TAF1L: variants seen among roughly 807,000 people sequenced by gnomAD.
The protein encoded by TAF1L is TATA-box binding protein associated factor 1 like.
TAF1L carries 30 observed loss-of-function variants against 128.8 expected under a neutral mutation model. The observed-to-expected ratio is 0.23, with a 90% CI of 0.17 to 0.32. TAF1L has a LOEUF of 0.32. Ranked by LOEUF, TAF1L falls within the 10% of genes least tolerant of loss-of-function variation. TAF1L has a pLI of 1.00. For missense variants in TAF1L, 2,099 were observed against 2,253.7 expected, an observed-to-expected ratio of 0.93 and a Z score of 1.39; for synonymous variants, 764 against 790.7, an observed-to-expected ratio of 0.97 and a Z score of 0.57.
chr9:32,635,565 G>T lies in TAF1L; in HGVS notation c.15C>A (p.Cys5Ter), dbSNP rs368366703. The T allele has an allele frequency of 2.5e-6, 4 of 1,613,226 alleles. No homozygotes were observed. Among genetic ancestry groups the T allele is most frequent in the East Asian group, 2.2e-5 (1 of 44,852 alleles). ...TAGCTGCTGCCCTCAGCAGCAAATC[G>T]CAGCCGGGTCGCATAAACCGGAAAT... The part of the protein sequence containing the change: MRPG[C>*]DLLLRAAATV... Residue 5 changes from cysteine to a stop codon, truncating the protein, a stop_gained, in exon 1 of 1, where the codon TGC becomes TGA. Coordinates refer to ENST00000242310, the MANE Select transcript of TAF1L (RefSeq NM_153809.2). LOFTEE classifies it high-confidence loss of function.
rs987227402 is a variant in TAF1L, at chr9:32,632,620, A to G, written c.2960T>C (p.Ile987Thr). ...GCGEGFSYVK[I>T]PNKPTQQKDD... The stretch of plus-strand genomic sequence containing the variant: ...CTTCTGCTGTGTTGGTTTATTTGGA[A>G]TCTTCACATAGGAGAATCCTTCACC... Residue 987 changes from isoleucine to threonine, a missense_variant, in exon 1 of 1, where the codon ATT becomes ACT. By Grantham distance (89) the Ile-to-Thr change is moderately conservative (BLOSUM62 -1). Around this residue, in one of 4 missense-constraint regions of TAF1L, gnomAD observed 1,213 missense variants for 1,391.4 expected, o/e 0.87. Transcript: ENST00000242310. The surrounding 1 kb of genome is among the most constrained non-coding windows in gnomAD (Gnocchi z 4.4). The G allele has an allele frequency of 2.5e-6, 4 of 1,614,144 alleles. No individual in the cohort carries two copies. The Admixed American group carries it at 5.0e-5, about 20-fold the overall frequency.
Position 32,634,266 on chromosome 9 carries a change from C to T in TAF1L, c.1314G>A (p.Glu438=). ...HWEDSIIWDG[E]DIKHKGTKPQ... is the part of the protein sequence containing the mutation. Reference sequence around the variant, plus strand: ...GTTTTGTCCCTTTGTGTTTGATATCCTCCCCATCCCAGATGATAGAATCCT... The same window carrying T: ...GTTTTGTCCCTTTGTGTTTGATATCTTCCCCATCCCAGATGATAGAATCCT... The change falls in exon 1 of 1, where the codon GAG becomes GAA. Residue 438 remains glutamate, a synonymous_variant. Transcript: ENST00000242310. The T allele has an allele frequency of 1.2e-6, 2 of 1,614,200 alleles. No homozygotes were observed. The highest frequency in any genetic ancestry group is 2.2e-5 in the East Asian group (1 of 44,886).
Position 32,631,518 on chromosome 9 carries a change from C to T in TAF1L, c.4062G>A (p.Glu1354=), listed in dbSNP as rs773159247. ...FGKQLIENVH[E]VRRKSLVLKF... ...TGAGAACCAGAGATTTTCTGCGAAC[C>T]TCATGCACATTCTCAATTAGCTGTT... Residue 1354 remains glutamate, a synonymous_variant, in exon 1 of 1, where the codon GAG becomes GAA. Transcript: ENST00000242310. The surrounding 1 kb of genome is among the most constrained non-coding windows in gnomAD (Gnocchi z 4.1). The T allele has an allele frequency of 2.5e-6, 4 of 1,614,202 alleles. No individual in the cohort carries two copies. The highest frequency in any genetic ancestry group is 2.2e-5 in the East Asian group (1 of 44,892).
rs947118041 is a variant in TAF1L, at chr9:32,631,266, T to G, written c.4314A>C (p.Lys1438Asn). 6.2e-6 allele frequency: 10 copies of G among 1,614,136 alleles called. No individual in the cohort carries two copies. The highest frequency in any genetic ancestry group is 8.5e-6 in the Non-Finnish European group (10 of 1,180,020). Reference sequence around the variant, plus strand: ...GTAGGTCCATTGGCCGAGTGATGATTTTGTAGTAGTCCTTTACAACCTTTG... The same window carrying G: ...GTAGGTCCATTGGCCGAGTGATGATGTTGTAGTAGTCCTTTACAACCTTTG... The part of the protein sequence containing the change: ...VNAKVVKDYY[K>N]IITRPMDLQT... The change falls in exon 1 of 1, where the codon AAA (lysine) becomes AAC (asparagine). Residue 1438 changes from lysine to asparagine, a missense_variant. Physicochemically the swap from Lys to Asn is moderately conservative, Grantham distance 94 (BLOSUM62 0). This residue lies in a region of TAF1L where 1,213 missense variants were observed against 1,391.4 expected (regional missense o/e 0.87). Coordinates refer to ENST00000242310, the MANE Select transcript of TAF1L (RefSeq NM_153809.2). This position sits in a 1 kb window ranked among gnomAD's most constrained non-coding sequence, Gnocchi z 4.1.
At position 32,634,704 on chromosome 9, in the gene TAF1L, C is replaced by T. The variant is rs1337345159; in HGVS notation, c.876G>A (p.Glu292=). ...CTGAGCATTCCACCTCCTGGATCTG[C>T]TCTTCCTGTATCAGCTCACGATGCT... ...RKKHRELIQE[E]QIQEVECSVE... The change falls in exon 1 of 1, where the codon GAG becomes GAA. Residue 292 remains glutamate, a synonymous_variant. Coordinates refer to ENST00000242310, the MANE Select transcript of TAF1L (RefSeq NM_153809.2). The T allele has an allele frequency of 1.9e-6, 3 of 1,614,178 alleles. No individual in the cohort carries two copies. Among genetic ancestry groups the T allele is most frequent in the South Asian group, 2.2e-5 (2 of 91,074 alleles).
rs747738990 is a variant in TAF1L, at chr9:32,631,974, C to T, written c.3606G>A (p.Glu1202=). 6.2e-7 allele frequency: 1 copy of T among 1,614,178 alleles called. No individual in the cohort carries two copies. Among genetic ancestry groups the T allele is most frequent in the Non-Finnish European group, 8.5e-7 (1 of 1,180,018 alleles). Residue 1202 remains glutamate (E), a synonymous_variant, in exon 1 of 1, where the codon GAG becomes GAA. Transcript: ENST00000242310. The surrounding 1 kb of genome is among the most constrained non-coding windows in gnomAD (Gnocchi z 4.1). ...CAATGACAGCTGGTTTTCGGACTGT[C>T]TCACAGCGAACATACTCTTTCCCCT... is the stretch of plus-strand genomic sequence containing the variant. ...DEEGKEYVRC[E]TVRKPAVIDA... is the part of the protein sequence containing the mutation.
Position 32,633,029 on chromosome 9 carries a change from T to C in TAF1L, c.2551A>G (p.Lys851Glu). 2 of 1,614,222 alleles carry C rather than the reference T, an allele frequency of 1.2e-6. No homozygotes were observed. Among genetic ancestry groups the C allele is most frequent in the Non-Finnish European group, 1.7e-6 (2 of 1,180,042 alleles). Residue 851 changes from lysine to glutamate, a missense_variant, in exon 1 of 1, where the codon AAA becomes GAA. Transcript: ENST00000242310. ...CTTTCTGAATGGGAAGGAAAGGCTT[T>C]TTTTATATCTTCCATTCGTATCCTC... is the stretch of plus-strand genomic sequence containing the variant. ...PRRIRMEDIK[K>E]AFPSHSESSI...
Position 32,635,002 on chromosome 9 carries a change from G to C in TAF1L, c.578C>G (p.Ser193Cys). ...DIILPSIIAP[S>C]FLASEKVDFS... Reference sequence around the variant, plus strand: ...ATCCACTTTCTCTGAGGCCAAAAAGGAAGGGGCAATGATGGAGGGCAAGAT... The same window carrying C: ...ATCCACTTTCTCTGAGGCCAAAAAGCAAGGGGCAATGATGGAGGGCAAGAT... Residue 193 changes from serine to cysteine, a missense_variant, in exon 1 of 1, where the codon TCC becomes TGC. By Grantham distance (112) the Ser-to-Cys change is moderately radical (BLOSUM62 -1). This residue lies in a region of TAF1L where 473 missense variants were observed against 429.6 expected (regional missense o/e 1.10). Coordinates refer to ENST00000242310, the MANE Select transcript of TAF1L (RefSeq NM_153809.2). 6.2e-7 allele frequency: 1 copy of C among 1,614,066 alleles called. No individual in the cohort carries two copies. The highest frequency in any genetic ancestry group is 2.2e-5 in the East Asian group (1 of 44,878).
At position 32,632,362 on chromosome 9, in the gene TAF1L, G is replaced by A. The variant is rs769284424; in HGVS notation, c.3218C>T (p.Ser1073Phe). ...MSKFARGSRFSVAEHQERYKE... is the reference protein window; with the variant it reads ...MSKFARGSRFFVAEHQERYKE... ...GTAACGCTCTTGATGCTCAGCCACA[G>A]AAAACCTTGATCCACGGGCAAATTT... Residue 1073 changes from serine (S) to phenylalanine (F), a missense_variant, in exon 1 of 1, where the codon TCT (serine) becomes TTT (phenylalanine). By Grantham distance (155) the Ser-to-Phe change is radical. Around this residue, in one of 4 missense-constraint regions of TAF1L, gnomAD observed 1,213 missense variants for 1,391.4 expected, o/e 0.87. Transcript: ENST00000242310. The surrounding 1 kb of genome is among the most constrained non-coding windows in gnomAD (Gnocchi z 4.4). 6.2e-7 allele frequency: 1 copy of A among 1,614,176 alleles called. No individual in the cohort carries two copies. The highest frequency in any genetic ancestry group is 1.7e-5 in the Admixed American group (1 of 60,018).
Position 32,630,572 on chromosome 9 carries a change from C to A in TAF1L, c.5008G>T (p.Asp1670Tyr), listed in dbSNP as rs779599650. 1.5e-5 allele frequency: 24 copies of A among 1,614,218 alleles called. No homozygotes were observed. Among genetic ancestry groups the A allele is most frequent in the Non-Finnish European group, 2.0e-5 (24 of 1,180,042 alleles). Residue 1670 changes from aspartate to tyrosine, a missense_variant, in exon 1 of 1, where the codon GAT (aspartate) becomes TAT (tyrosine). Asp to Tyr is a radical substitution (Grantham distance 160). This residue lies in a region of TAF1L where 404 missense variants were observed against 406.5 expected (regional missense o/e 0.99). Transcript: ENST00000242310. ...PYTSQPPDMY[D>Y]TNTSLSTSRD... ...GACGTACTGAGGGATGTGTTGGTAT[C>A]ATACATATCAGGAGGCTGAGATGTG...
chr9:32,634,480 A>G lies in TAF1L; in HGVS notation c.1100T>C (p.Leu367Pro), dbSNP rs1347379454. Residue 367 changes from leucine to proline, a missense_variant, in exon 1 of 1, where the codon CTG becomes CCG. This residue lies in a region of TAF1L where 1,213 missense variants were observed against 1,391.4 expected (regional missense o/e 0.87). Transcript: ENST00000242310. The part of the protein sequence containing the change: ...VAEWRYGPAR[L>P]WYDMLGVSED... Reference sequence around the variant, plus strand: ...GGAGACACCCAGCATATCATACCACAGTCGGGCAGGCCCATAACGCCACTC... The same window carrying G: ...GGAGACACCCAGCATATCATACCACGGTCGGGCAGGCCCATAACGCCACTC... 1 of 1,614,218 alleles carries G rather than the reference A, an allele frequency of 6.2e-7. No homozygotes were observed. Among genetic ancestry groups the G allele is most frequent in the Non-Finnish European group, 8.5e-7 (1 of 1,180,038 alleles).
Position 32,632,475 on chromosome 9 carries a change from C to T in TAF1L, c.3105G>A (p.Glu1035=). ...LLRKFGVPEE[E]IKKLSRWEVI... Reference sequence around the variant, plus strand: ...CTTCCCAGCGGGACAACTTTTTAATCTCTTCCTCAGGCACACCAAATTTAC... The same window carrying T: ...CTTCCCAGCGGGACAACTTTTTAATTTCTTCCTCAGGCACACCAAATTTAC... The change falls in exon 1 of 1, where the codon GAG becomes GAA. Residue 1035 remains glutamate (E), a synonymous_variant. Transcript: ENST00000242310. The surrounding 1 kb of genome is among the most constrained non-coding windows in gnomAD (Gnocchi z 4.4). 6.2e-7 allele frequency: 1 copy of T among 1,614,228 alleles called. No homozygotes were observed. The highest frequency in any genetic ancestry group is 8.5e-7 in the Non-Finnish European group (1 of 1,180,046).
In TAF1L at chr9:32,633,592, T is replaced by G; in HGVS notation, c.1988A>C (p.Lys663Thr). The G allele has an allele frequency of 6.2e-7, 1 of 1,614,198 alleles. No individual in the cohort carries two copies. The highest frequency in any genetic ancestry group is 1.1e-5 in the South Asian group (1 of 91,084). The change falls in exon 1 of 1, where the codon AAA becomes ACA. Residue 663 changes from lysine (K) to threonine (T), a missense_variant. Physicochemically the swap from Lys to Thr is moderately conservative, Grantham distance 78. This residue lies in a region of TAF1L where 1,213 missense variants were observed against 1,391.4 expected (regional missense o/e 0.87). Coordinates refer to ENST00000242310, the MANE Select transcript of TAF1L (RefSeq NM_153809.2). ...HSVQPLLKHIKKKAKMREQER... is the reference protein window; with the variant it reads ...HSVQPLLKHITKKAKMREQER... ...TTGTTCTCTCATCTTGGCCTTTTTT[T>G]TGATGTGCTTTAGCAAAGGTTGGAC...
Position 32,631,464 on chromosome 9 carries a change from C to T in TAF1L, c.4116G>A (p.Lys1372=). Residue 1372 remains lysine, a synonymous_variant, in exon 1 of 1, where the codon AAG becomes AAA. Coordinates refer to ENST00000242310, the MANE Select transcript of TAF1L (RefSeq NM_153809.2). The surrounding 1 kb of genome is among the most constrained non-coding windows in gnomAD (Gnocchi z 4.1). The stretch of plus-strand genomic sequence containing the variant: ...CAGTGGTTCCAACTCGCCGTTTCTT[C>T]TTTGGAGGAAGCTGCTGTTTAGGAA... ...LKFPKQQLPP[K]KKRRVGTTVH... is the part of the protein sequence containing the mutation. 6.2e-7 allele frequency: 1 copy of T among 1,614,106 alleles called. No individual in the cohort carries two copies. The highest frequency in any genetic ancestry group is 8.5e-7 in the Non-Finnish European group (1 of 1,180,036).
Position 32,632,234 on chromosome 9 carries a change from A to G in TAF1L, c.3346T>C (p.Phe1116Leu). The change falls in exon 1 of 1, where the codon TTT (phenylalanine) becomes CTT (leucine). Residue 1116 changes from phenylalanine (F) to leucine (L), a missense_variant. Physicochemically the swap from Phe to Leu is conservative, Grantham distance 22. Transcript: ENST00000242310. This position sits in a 1 kb window ranked among gnomAD's most constrained non-coding sequence, Gnocchi z 4.4. ...TCAATGTTCTTTCCCATTTCTTCAA[A>G]GTCACTATCTTCAGCTGAGATGCTG... is the stretch of plus-strand genomic sequence containing the variant. ...TDSISAEDSD[F>L]EEMGKNIENM... The G allele has an allele frequency of 6.2e-7, 1 of 1,614,194 alleles. No individual in the cohort carries two copies. The highest frequency in any genetic ancestry group is 8.5e-7 in the Non-Finnish European group (1 of 1,180,034).
rs1271412954 is a variant in TAF1L, at chr9:32,632,960, T to C, written c.2620A>G (p.Thr874Ala). 4 of 1,614,226 alleles carry C rather than the reference T, an allele frequency of 2.5e-6. No homozygotes were observed. The highest frequency in any genetic ancestry group is 3.4e-6 in the Non-Finnish European group (4 of 1,180,024). ...RLKLCADFKR[T>A]GMDSNWWVLK... ...ACCCACCAGTTTGAATCCATCCCTGTGCGTTTGAAGTCAGCGCAGAGCTTT... is the reference window on the plus strand; with the variant it reads ...ACCCACCAGTTTGAATCCATCCCTGCGCGTTTGAAGTCAGCGCAGAGCTTT... Residue 874 changes from threonine (T) to alanine (A), a missense_variant, in exon 1 of 1, where the codon ACA becomes GCA. Transcript: ENST00000242310. The surrounding 1 kb of genome is among the most constrained non-coding windows in gnomAD (Gnocchi z 4.4).
chr9:32,630,317 G>C lies in TAF1L; in HGVS notation c.5263C>G (p.Pro1755Ala). 1 of 1,614,142 alleles carries C rather than the reference G, an allele frequency of 6.2e-7. No homozygotes were observed. Among genetic ancestry groups the C allele is most frequent in the Non-Finnish European group, 8.5e-7 (1 of 1,180,036 alleles). Residue 1755 changes from proline (P) to alanine (A), a missense_variant, in exon 1 of 1, where the codon CCT becomes GCT. Pro to Ala is a conservative substitution (Grantham distance 27). This residue lies in a region of TAF1L where 404 missense variants were observed against 406.5 expected (regional missense o/e 0.99). Transcript: ENST00000242310. ...TCCTCATACAGGACACTGGCTTCAG[G>C]TTGTTGTACAGTTCCTTCCTCTTCA... ...ADEEEGTVQQ[P>A]EASVLYEDLL...
Position 32,630,804 on chromosome 9 carries a change from G to A in TAF1L, c.4776C>T (p.Asn1592=), listed in dbSNP as rs1822507731. ...ACTTAACACTGTTGGCAAGAATAAGGTTTACATCATCTAGAAAACTCTCCC... is the reference window on the plus strand; with the variant it reads ...ACTTAACACTGTTGGCAAGAATAAGATTTACATCATCTAGAAAACTCTCCC... ...QSRESFLDDV[N]LILANSVKYN... is the part of the protein sequence containing the mutation. The change falls in exon 1 of 1, where the codon AAC becomes AAT. Residue 1592 remains asparagine (N), a synonymous_variant. Coordinates refer to ENST00000242310, the MANE Select transcript of TAF1L (RefSeq NM_153809.2). 1 of 1,614,158 alleles carries A rather than the reference G, an allele frequency of 6.2e-7. No homozygotes were observed. The highest frequency in any genetic ancestry group is 8.5e-7 in the Non-Finnish European group (1 of 1,180,028).
chr9:32,635,490 A>G lies in TAF1L; in HGVS notation c.90T>C (p.Ser30=). 1 of 1,614,196 alleles carries G rather than the reference A, an allele frequency of 6.2e-7. No homozygotes were observed. Among genetic ancestry groups the G allele is most frequent in the Non-Finnish European group, 8.5e-7 (1 of 1,180,026 alleles). ...MSDSDSEEDS[S]GGGPFTLAGI... ...CCGCTAAAGTAAATGGGCCACCTCCAGATGAATCTTCCTCGCTGTCCGAGT... is the reference window on the plus strand; with the variant it reads ...CCGCTAAAGTAAATGGGCCACCTCCGGATGAATCTTCCTCGCTGTCCGAGT... The change falls in exon 1 of 1, where the codon TCT becomes TCC. Residue 30 remains serine (S), a synonymous_variant. Transcript: ENST00000242310.
Sources: allele counts gnomAD v4.1 joint callset, GRCh38; gene constraint gnomAD v4.1.1; regional missense constraint gnomAD v4.1.1; non-coding constraint Gnocchi (gnomAD v3.1); transcripts MANE v1.5; gene names NCBI Gene and HGNC (gene_info 2026-07-23, HGNC 2026-07-21).